Variants in DNAJC3 observed in about 807,000 individuals in gnomAD.
DNAJC3 encodes DnaJ heat shock protein family (Hsp40) member C3.
Under a neutral mutation model 68.6 loss-of-function variants are expected in DNAJC3, and 38 were observed. The observed-to-expected ratio is 0.55, with a 90% CI of 0.43 to 0.73. The LOEUF (loss-of-function observed/expected upper bound fraction) is 0.73, where lower values mean the gene tolerates loss of function less well. Among genes scored for constraint, DNAJC3 ranks in the 30% least tolerant of loss-of-function variants. The pLI, the probability that DNAJC3 is intolerant of heterozygous loss-of-function variation, is 0.00. For synonymous variants in DNAJC3, 203 were observed against 204.0 expected, an observed-to-expected ratio of 1.00 and a Z score of 0.04; for missense variants, 526 against 591.9, an observed-to-expected ratio of 0.89 and a Z score of 1.16.
At chr13:95,730,923 T>C (rs1881688781) in intron 4 of DNAJC3, among the ~76,000 whole-genome samples, 1 of 152,236 alleles carries the variant, frequency 6.6e-6, no homozygotes, top group African/African-American at 2.4e-5. Context: ...ACAATGTTAA[T>C]TTTGATTTGT....
chr13:95,709,589 T>C (rs1445116100), intron 2 of DNAJC3, among the ~76,000 whole-genome samples: 2 of 151,792 alleles, frequency 1.3e-5, no homozygotes, highest in African/African-American at 4.8e-5. Context: ...AAGATATTTC[T>C]GACAAACAGC....
At chr13:95,785,899 A>T (rs748573278) in intron 9 of DNAJC3, 40 bp from the exon 10 acceptor site, 1 of 1,519,634 alleles carries the variant, frequency 6.6e-7, no homozygotes, top group African/African-American at 1.4e-5. Context: ...AATAAATTAT[A>T]ATTTGCCTTA....
intron 1 of DNAJC3, among the ~76,000 whole-genome samples, chr13:95,685,119 C>T (rs185878446): frequency 1.4e-5 from 2 of 147,230 alleles, no homozygotes; most frequent in Non-Finnish European, 2.9e-5. Context: ...ACAGCTTGCA[C>T]CATGCACCTG....
chr13:95,735,604 C>A (rs1231333009), intron 4 of DNAJC3, among the ~76,000 whole-genome samples: 3 of 151,088 alleles, frequency 2.0e-5, no homozygotes, highest in Non-Finnish European at 4.4e-5. Flanking sequence ...TGTTTTTTGG[C>A]CGCATAAATG....
intron 9 of DNAJC3, among the ~76,000 whole-genome samples, chr13:95,766,221 G>A (rs1463327563): frequency 6.6e-6 from 1 of 152,152 alleles, no homozygotes; most frequent in African/African-American, 2.4e-5. Context: ...ATAGGTTTAG[G>A]TTAGTGAATA....
At chr13:95,739,782 T>C (rs1882061245) in intron 4 of DNAJC3, among the ~76,000 whole-genome samples, 1 of 152,140 alleles carries the variant, frequency 6.6e-6, no homozygotes, top group African/African-American at 2.4e-5. Flanking sequence ...TCAGAGTAAT[T>C]TGATCGTCTG....
At position 95,776,326 on chromosome 13, in the gene DNAJC3, A is replaced by G. The variant is rs543423656; in HGVS notation, c.1076-9613A>G. Among the ~76,000 whole-genome samples, 8 of 152,292 alleles carry G rather than the reference A, an allele frequency of 5.3e-5. No homozygotes were observed. In the East Asian group the frequency reaches 1.5e-3, roughly 29 times the overall value. On this transcript the variant is annotated intron_variant, in intron 9 of 11. Coordinates refer to ENST00000602402, the MANE Select transcript of DNAJC3 (RefSeq NM_006260.5). ...ATTAATTAGGGTAAGGATTCAGTGC[A>G]ATTGTTTAGAAGTTTTCTTTTTTCA... is the stretch of plus-strand genomic sequence containing the variant.
rs768426797 is a variant in DNAJC3 at position 95,792,746 on chromosome 13, G to A, written c.*1716G>A. 2.0e-5 allele frequency: 3 copies of A among 152,114 alleles called. No homozygotes were observed. Among genetic ancestry groups the A allele is most frequent in the East Asian group, 1.9e-4 (1 of 5,196 alleles). The allele number at this position is 152,114 out of a possible 1,614,324, so 9.4% of individuals were successfully genotyped here. ...TTGCTTTAATGTTTCAATTCAAGCC[G>A]GTGTAAAAATAATTTCCAAGGCATT... On this transcript the variant is annotated 3_prime_UTR_variant, in exon 12 of 12. Transcript: ENST00000602402.
chr13:95,731,745 C>T (rs564275424), intron 4 of DNAJC3, among the ~76,000 whole-genome samples: 183 of 152,078 alleles, frequency 1.2e-3, no homozygotes, highest in Middle Eastern at 3.4e-3. Flanking sequence ...GGACATGACT[C>T]GCTGCAGCCT....
intron 1 of DNAJC3, among the ~76,000 whole-genome samples, chr13:95,702,794 A>G (rs115120033): frequency 4.4e-4 from 67 of 152,342 alleles, no homozygotes; most frequent in African/African-American, 1.4e-3. Context: ...ACAATTTTCT[A>G]AGAAGATACA....
At chr13:95,736,086 C>A (rs1408986542) in intron 4 of DNAJC3, among the ~76,000 whole-genome samples, 2 of 152,088 alleles carry the variant, frequency 1.3e-5, no homozygotes, top group Non-Finnish European at 2.9e-5. Context: ...GGAATCCTTT[C>A]CCCATTGCTT....
rs1566503917 is a variant in DNAJC3, at chr13:95,760,226, G to A, written c.728+5G>A. On this transcript the variant is annotated splice_donor_5th_base_variant and intron_variant, in intron 6 of 11. Coordinates refer to ENST00000602402, the MANE Select transcript of DNAJC3 (RefSeq NM_006260.5). The stretch of plus-strand genomic sequence containing the variant: ...AGACCACGAACTGTCCCTCAGGTCA[G>A]TTCTAGTGACACACATGTCTGATCT... 2.6e-6 allele frequency: 4 copies of A among 1,540,116 alleles called. No homozygotes were observed. The highest frequency in any genetic ancestry group is 3.5e-6 in the Non-Finnish European group (4 of 1,144,148).
Position 95,677,229 on chromosome 13 carries a change from C to T in DNAJC3, c.-27C>T, listed in dbSNP as rs750054773. Reference sequence around the variant, plus strand: ...CGTGCTGGTGGGCCACACACCTTTCCTCCTCTTCACTCGCGAGCCCTCGGA... The same window carrying T: ...CGTGCTGGTGGGCCACACACCTTTCTTCCTCTTCACTCGCGAGCCCTCGGA... On this transcript the variant is annotated 5_prime_UTR_variant, in exon 1 of 12. Coordinates refer to ENST00000602402, the MANE Select transcript of DNAJC3 (RefSeq NM_006260.5). 1.5e-5 allele frequency: 24 copies of T among 1,597,068 alleles called. No individual in the cohort carries two copies. The highest frequency in any genetic ancestry group is 1.7e-4 in the Middle Eastern group (1 of 6,040).
chr13:95,684,752 C>T (rs2139598445), intron 1 of DNAJC3, among the ~76,000 whole-genome samples: 1 of 152,346 alleles, frequency 6.6e-6, no homozygotes, highest in East Asian at 1.9e-4. Context: ...CTGCTGCCTG[C>T]ATCCTAGTTA....
intron 9 of DNAJC3, among the ~76,000 whole-genome samples, chr13:95,782,158 A>G (rs891127328): frequency 3.3e-5 from 5 of 152,154 alleles, no homozygotes; most frequent in African/African-American, 1.2e-4. Flanking sequence ...GCTGCATAGT[A>G]TTCCATGGTG....
chr13:95,779,119 C>CTTTTTTTTT (rs142933580), intron 9 of DNAJC3, among the ~76,000 whole-genome samples: 19 of 97,974 alleles, frequency 1.9e-4, no homozygotes, highest in African/African-American at 6.6e-4. Flanking sequence ...TTTCTTCTTT[C>CTTTTTTTTT]TTTTTTTTTT....
chr13:95,787,713 C>T (rs1198153497), intron 11 of DNAJC3, among the ~76,000 whole-genome samples: 1 of 151,062 alleles, frequency 6.6e-6, no homozygotes, highest in African/African-American at 2.4e-5. Context: ...AATGGGATCT[C>T]ACTGTGTTGC....
At position 95,723,315 on chromosome 13, in the gene DNAJC3, T is replaced by C; in HGVS notation, c.267T>C (p.Ala89=). 1 of 1,611,694 alleles carries C rather than the reference T, an allele frequency of 6.2e-7. No individual in the cohort carries two copies. The highest frequency in any genetic ancestry group is 2.2e-5 in the East Asian group (1 of 44,852). ...TVFLAMGKSK[A]ALPDLTKVIQ... ...TTTTAGCTATGGGCAAATCAAAAGCTGCACTTCCTGATTTAACTAAAGTGA... is the reference window on the plus strand; with the variant it reads ...TTTTAGCTATGGGCAAATCAAAAGCCGCACTTCCTGATTTAACTAAAGTGA... The change falls in exon 3 of 12, where the codon GCT becomes GCC. Residue 89 remains alanine, a synonymous_variant. Transcript: ENST00000602402.
At chr13:95,780,877 G>A (rs1883431111) in intron 9 of DNAJC3, among the ~76,000 whole-genome samples, 1 of 152,200 alleles carries the variant, frequency 6.6e-6, no homozygotes, top group Non-Finnish European at 1.5e-5. Flanking sequence ...ATGCTGAGAA[G>A]TGGTTAAACT....
Sources: gnomAD v4.1 joint callset for allele counts (sites outside exome capture counted in the v4.1 genomes callset) on GRCh38, gnomAD v4.1.1 for gene constraint, MANE v1.5 for transcripts, NCBI Gene and HGNC (gene_info 2026-07-23, HGNC 2026-07-21) for gene names.